Variants in LHFPL6 observed in about 807,000 individuals in gnomAD.
LHFPL6 encodes the protein LHFPL tetraspan subfamily member 6 protein.
LHFPL6 carries 9 observed loss-of-function variants against 20.6 expected under a neutral mutation model. The ratio of observed to expected loss-of-function variants is 0.44; its 90% CI spans 0.26 to 0.76. The LOEUF (loss-of-function observed/expected upper bound fraction) is 0.76. LHFPL6 is among the 30% of genes least tolerant of loss of function. The probability of loss-of-function intolerance (pLI) is 0.20; values close to 1 mark genes in which losing one functional copy is unlikely to be tolerated. For missense variants in LHFPL6, 218 were observed against 253.5 expected (o/e 0.86, Z 0.95); for synonymous variants, 105 against 98.7 (o/e 1.06, Z -0.38).
chr13:39,579,246 G>A (rs1211968690), intron 2 of LHFPL6, among the ~76,000 whole-genome samples: 2 of 152,160 alleles, frequency 1.3e-5, no homozygotes, highest in Admixed American at 6.5e-5. Context: ...GGGAGCCCAG[G>A]CCAAGGGCAG....
At chr13:39,548,261 C>T (rs1008253248) in intron 2 of LHFPL6, among the ~76,000 whole-genome samples, 2 of 152,036 alleles carry the variant, frequency 1.3e-5, no homozygotes, top group African/African-American at 4.8e-5. Context: ...GCAGACATTC[C>T]TCCCCAAAGG....
At chr13:39,434,387 T>C (rs1334372388) in intron 2 of LHFPL6, among the ~76,000 whole-genome samples, 3 of 152,228 alleles carry the variant, frequency 2.0e-5, no homozygotes, top group Non-Finnish European at 2.9e-5. Flanking sequence ...CCAGAATCCA[T>C]GTTTTCTGCT....
intron 2 of LHFPL6, among the ~76,000 whole-genome samples, chr13:39,406,571 G>A (rs866485485): frequency 6.6e-6 from 1 of 151,448 alleles, no homozygotes; most frequent in South Asian, 2.1e-4. Flanking sequence ...GTACAAACAC[G>A]GTGGATCCTA....
chr13:39,488,745 C>T (rs1301236357), intron 2 of LHFPL6, among the ~76,000 whole-genome samples: 4 of 152,162 alleles, frequency 2.6e-5, no homozygotes, highest in African/African-American at 7.2e-5. Flanking sequence ...CAAAGTACAT[C>T]GCTCTTCAGT....
At chr13:39,484,575 T>G (rs1238630863) in intron 2 of LHFPL6, among the ~76,000 whole-genome samples, 1 of 152,174 alleles carries the variant, frequency 6.6e-6, no homozygotes, top group African/African-American at 2.4e-5. Context: ...CCCTCCTTTA[T>G]GTACAGGAAT....
At chr13:39,510,656 A>G (rs1053064865) in intron 2 of LHFPL6, among the ~76,000 whole-genome samples, 18 of 152,202 alleles carry the variant, frequency 1.2e-4, no homozygotes, top group African/African-American at 4.3e-4. Context: ...AAACACACAC[A>G]CACACAATGG....
Position 39,343,914 on chromosome 13 carries a change from G to A in LHFPL6, c.*22C>T, listed in dbSNP as rs1869320283. Reference sequence around the variant, plus strand: ...GCCCCTTTGGCCCATCTTCTCCTCTGTCTGCTCTTGGTAGCTCCATCTCAG... The same window carrying A: ...GCCCCTTTGGCCCATCTTCTCCTCTATCTGCTCTTGGTAGCTCCATCTCAG... On this transcript the variant is annotated 3_prime_UTR_variant, in exon 4 of 4. Coordinates refer to ENST00000379589, the MANE Select transcript of LHFPL6 (RefSeq NM_005780.3). The A allele has an allele frequency of 6.3e-7, 1 of 1,596,810 alleles. No homozygotes were observed. The highest frequency in any genetic ancestry group is 1.3e-5 in the African/African-American group (1 of 74,606).
intron 2 of LHFPL6, among the ~76,000 whole-genome samples, chr13:39,578,784 C>T (rs1872193709): frequency 6.6e-6 from 1 of 152,278 alleles, no homozygotes; most frequent in South Asian, 2.1e-4. Flanking sequence ...CCCAAATCCC[C>T]ACCAAAAACA....
At chr13:39,557,347 T>C (rs1358402903) in intron 2 of LHFPL6, among the ~76,000 whole-genome samples, 1 of 152,216 alleles carries the variant, frequency 6.6e-6, no homozygotes, top group Non-Finnish European at 1.5e-5. Flanking sequence ...CCTGTAGGCC[T>C]ATGGAATGCA....
chr13:39,353,878 T>C (rs1043595715), intron 3 of LHFPL6, among the ~76,000 whole-genome samples: 2 of 152,238 alleles, frequency 1.3e-5, no homozygotes, highest in African/African-American at 2.4e-5. Context: ...GGTGAGGTGC[T>C]GCACACATGC....
intron 2 of LHFPL6, among the ~76,000 whole-genome samples, chr13:39,457,787 G>A (rs180715850): frequency 5.3e-5 from 8 of 152,216 alleles, no homozygotes; most frequent in Non-Finnish European, 8.8e-5. Context: ...CTTAAAATAG[G>A]TGAATTGTAT....
At chr13:39,352,972 C>CATAT (rs374747296) in intron 3 of LHFPL6, among the ~76,000 whole-genome samples, 18,121 of 68,262 alleles carry the variant, frequency 0.27, 3,197 homozygotes, top group East Asian at 0.62. Context: ...CACACACACA[C>CATAT]ATATATATAT....
intron 2 of LHFPL6, among the ~76,000 whole-genome samples, chr13:39,381,826 C>CAAA (rs10581776): frequency 1.4e-5 from 2 of 140,526 alleles, no homozygotes; most frequent in African/African-American, 5.4e-5. Flanking sequence ...AATTTATAGA[C>CAAA]AAAAAAAAAA....
At chr13:39,556,490 G>C (rs181307164) in intron 2 of LHFPL6, among the ~76,000 whole-genome samples, 1 of 152,304 alleles carries the variant, frequency 6.6e-6, no homozygotes, top group Non-Finnish European at 1.5e-5. Flanking sequence ...GAACTTGGCT[G>C]TACTGTGTTT....
chr13:39,468,627 T>C (rs1872863694), intron 2 of LHFPL6, among the ~76,000 whole-genome samples: 1 of 152,180 alleles, frequency 6.6e-6, no homozygotes, highest in African/African-American at 2.4e-5. Context: ...CACTCTGAAA[T>C]CCATCAGGAT....
intron 2 of LHFPL6, among the ~76,000 whole-genome samples, chr13:39,438,678 C>A (rs914235804): frequency 3.9e-5 from 6 of 152,242 alleles, no homozygotes; most frequent in African/African-American, 1.4e-4. Context: ...GACTCAGAAC[C>A]CTGCTTGCTG....
chr13:39,563,685 C>A (rs7987701), intron 2 of LHFPL6, among the ~76,000 whole-genome samples: 53,339 of 151,912 alleles, frequency 0.35, 9,851 homozygotes, highest in African/African-American at 0.47. Context: ...AGCAGCATTT[C>A]TTAGGGTGAT....
At chr13:39,429,504 A>G (rs1170033041) in intron 2 of LHFPL6, among the ~76,000 whole-genome samples, 1 of 152,034 alleles carries the variant, frequency 6.6e-6, no homozygotes, top group East Asian at 1.9e-4. Context: ...TTAAATTTAA[A>G]GTGCATTTCT....
At position 39,468,960 on chromosome 13, in the gene LHFPL6, A is replaced by G. The variant is rs543809160; in HGVS notation, c.386-90434T>C. The stretch of plus-strand genomic sequence containing the variant: ...ACCCCAAAGCATTGTTTCTAATGCT[A>G]GAAATATTTTAACTAAGTTAGTATG... On this transcript the variant is annotated intron_variant, in intron 2 of 3. Transcript: ENST00000379589. Among the ~76,000 whole-genome samples, 35 of 152,272 alleles carry G rather than the reference A, an allele frequency of 2.3e-4. No individual in the cohort carries two copies. In the South Asian group the frequency reaches 6.8e-3, roughly 30 times the overall value.
Sources: allele counts gnomAD v4.1 joint callset (sites outside exome capture counted in the v4.1 genomes callset), GRCh38; gene constraint gnomAD v4.1.1; transcripts MANE v1.5; gene names NCBI Gene and HGNC (gene_info 2026-07-23, HGNC 2026-07-21).